The following SLC4A9 variants were observed in gnomAD, a reference collection of about 807,000 sequenced individuals.
The protein encoded by SLC4A9 is anion exchange protein 4.
A neutral mutation model predicts 103.2 loss-of-function variants in SLC4A9; 102 were observed. The observed-to-expected ratio is 0.99, with a 90% CI of 0.84 to 1.17. The LOEUF is 1.17. Among genes scored for constraint, SLC4A9 ranks in the 50% most tolerant of loss-of-function variants. The pLI, the probability that SLC4A9 is intolerant of heterozygous loss-of-function variation, is 0.00. For missense variants in SLC4A9, 1,091 were observed against 1,193.7 expected, an observed-to-expected ratio of 0.91 and a Z score of 1.27; for synonymous variants, 453 against 483.6, an observed-to-expected ratio of 0.94 and a Z score of 0.83.
At chr5:140,370,825 T>C (rs1302502192) in intron 17 of SLC4A9, 1 of 462,224 alleles carries the variant, frequency 2.2e-6, no homozygotes, top group Non-Finnish European at 3.9e-6. Context: ...ATAGATAAGA[T>C]TGGAATGGTA....
intron 21 of SLC4A9, among the ~76,000 whole-genome samples, chr5:140,374,204 A>G (rs1042077819): frequency 6.6e-6 from 1 of 151,056 alleles, no homozygotes; most frequent in African/African-American, 2.4e-5. Flanking sequence ...AAAAATCAAA[A>G]ACAAAAATCT....
At chr5:140,361,717 C>T (rs1301581277) in intron 3 of SLC4A9, 91 bp from the exon 4 acceptor site, 4 of 1,406,830 alleles carry the variant, frequency 2.8e-6, no homozygotes, top group South Asian at 1.2e-5. Context: ...CTAATTCTTA[C>T]AGCTTGTCAG....
At position 140,362,174 on chromosome 5, in the gene SLC4A9, G is replaced by A; in HGVS notation, c.719G>A (p.Arg240Lys). The A allele has an allele frequency of 6.5e-7, 1 of 1,529,052 alleles. No individual in the cohort carries two copies. Among genetic ancestry groups the A allele is most frequent in the African/African-American group, 1.4e-5 (1 of 71,648 alleles). 94.7% of individuals were successfully genotyped at this position (1,529,052 alleles called of 1,614,324 possible). The stretch of plus-strand genomic sequence containing the variant: ...CTTACTGAGGTGTCCCTCCCAAGCA[G>A]GTGAGGCTACTGAGTGAGTGGGAGT... Reference protein sequence around the residue: ...GSLTEVSLPSRFFCLLLGPCM... With the variant: ...GSLTEVSLPSKFFCLLLGPCM... Residue 240 changes from arginine to lysine, a missense_variant and splice_region_variant, in exon 5 of 22, where the codon AGG becomes AAG. Arg to Lys is a conservative substitution (Grantham distance 26, BLOSUM62 2). Transcript: ENST00000506757.
chr5:140,366,105 G>T, intron 13 of SLC4A9, 46 bp from the exon 14 acceptor site: 2 of 1,608,662 alleles, frequency 1.2e-6, no homozygotes, highest in Non-Finnish European at 1.7e-6. Context: ...TGTGGAAAAA[G>T]AGAGATGGCA....
At chr5:140,371,814 C>T (rs940469289) in intron 19 of SLC4A9, among the ~76,000 whole-genome samples, 190 bp downstream of exon 19, 5 of 152,218 alleles carry the variant, frequency 3.3e-5, no homozygotes. Context: ...CCTGGGATAC[C>T]TGATTCACCT....
At chr5:140,373,088 A>G (rs1039644316) in intron 21 of SLC4A9, among the ~76,000 whole-genome samples, 1 of 152,190 alleles carries the variant, frequency 6.6e-6, no homozygotes, top group African/African-American at 2.4e-5. Context: ...CTCACACCAA[A>G]TGAGAAGTGG....
chr5:140,365,407 GA>G lies in SLC4A9; in HGVS notation c.1652-112del, dbSNP rs773496534. The G allele has an allele frequency of 1.3e-3, 1,027 of 818,174 alleles. 3 individuals carry two copies. Among genetic ancestry groups the G allele is most frequent in the Admixed American group, 3.7e-3 (155 of 42,378 alleles). 50.7% of individuals were successfully genotyped at this position (818,174 alleles called of 1,614,324 possible). Reference sequence around the variant, plus strand: ...GTAGTGATAGAGTCAGCAGACAGATGAGTCACAATTAAGAACTCTGGTTCAC... The same window carrying G: ...GTAGTGATAGAGTCAGCAGACAGATGGTCACAATTAAGAACTCTGGTTCAC... On this transcript the variant is annotated intron_variant, in intron 11 of 21. Transcript: ENST00000506757.
rs1359115353 is a variant in SLC4A9, at chr5:140,364,132, C to T, written c.1333C>T (p.Leu445=). Residue 445 remains leucine, a synonymous_variant, in exon 10 of 22, where the codon CTG becomes TTG. Coordinates refer to ENST00000506757, the MANE Select transcript of SLC4A9 (RefSeq NM_031467.3). The part of the protein sequence containing the change: ...CLMAGQPLTI[L]SSTGPVLVFE... ...GATGGCAGGCCAGCCCCTCACCATT[C>T]TGAGCAGCACGGGGCCAGTGCTGGT... 1.3e-6 allele frequency: 2 copies of T among 1,594,274 alleles called. No individual in the cohort carries two copies. The highest frequency in any genetic ancestry group is 8.5e-7 in the Non-Finnish European group (1 of 1,169,640).
In SLC4A9 at chr5:140,373,205, TCCC is replaced by T. The variant is rs1561633329; in HGVS notation, c.*45+366_*45+368del. Among the ~76,000 whole-genome samples the T allele has an allele frequency of 3.6e-4, 54 of 152,070 alleles. No individual in the cohort carries two copies. The South Asian group carries it at 0.01, about 29-fold the overall frequency. On this transcript the variant is annotated intron_variant, in intron 21 of 21. Coordinates refer to ENST00000506757, the MANE Select transcript of SLC4A9 (RefSeq NM_031467.3). ...TGCTCCTTTCCCTTGCTTGGAAGGCTCCCCCCTTAGGCTGCTGAGAACCACACT... is the reference window on the plus strand; with the variant it reads ...TGCTCCTTTCCCTTGCTTGGAAGGCTCCCTTAGGCTGCTGAGAACCACACT...
In SLC4A9 at chr5:140,363,239, G is replaced by A. The variant is rs1443464104; in HGVS notation, c.962+173G>A. ...GGACTACTCTCTCGCTAAGAGACCTGAACAAAGACCTTCCCTGCCCGAGCC... is the reference window on the plus strand; with the variant it reads ...GGACTACTCTCTCGCTAAGAGACCTAAACAAAGACCTTCCCTGCCCGAGCC... On this transcript the variant is annotated intron_variant, in intron 7 of 21. Coordinates refer to ENST00000506757, the MANE Select transcript of SLC4A9 (RefSeq NM_031467.3). This position sits in a 1 kb window ranked among gnomAD's most constrained non-coding sequence, Gnocchi z 4.5. Among the ~76,000 whole-genome samples the A allele has an allele frequency of 6.6e-6, 1 of 152,172 alleles. No individual in the cohort carries two copies. The highest frequency in any genetic ancestry group is 2.4e-5 in the African/African-American group (1 of 41,436).
intron 19 of SLC4A9, among the ~76,000 whole-genome samples, 199 bp from the exon 20 acceptor site, chr5:140,372,043 T>C (rs939043443): frequency 6.6e-6 from 1 of 152,250 alleles, no homozygotes; most frequent in African/African-American, 2.4e-5. Context: ...CTCTGGGAAG[T>C]AACTAATCAC....
intron 14 of SLC4A9, among the ~76,000 whole-genome samples, chr5:140,367,041 C>G (rs1767989964): frequency 1.3e-5 from 2 of 152,202 alleles, no homozygotes; most frequent in Non-Finnish European, 2.9e-5. Flanking sequence ...CCAGCCCTGT[C>G]CCTGCCTCAG....
At chr5:140,362,760 C>T (rs899989268) in intron 6 of SLC4A9, among the ~76,000 whole-genome samples, 152 bp from the exon 7 acceptor site, 1 of 152,150 alleles carries the variant, frequency 6.6e-6, no homozygotes, top group Non-Finnish European at 1.5e-5. Context: ...TCAATAGATA[C>T]CCACTGAATG....
At chr5:140,362,630 G>T in intron 6 of SLC4A9, 98 bp downstream of exon 6, 1 of 1,250,806 alleles carries the variant, frequency 8.0e-7, no homozygotes, top group Non-Finnish European at 1.2e-6. Flanking sequence ...GAGTGTGTGT[G>T]TGTGGACTCT....
chr5:140,364,665 G>C, intron 11 of SLC4A9, 40 bp downstream of exon 11: 1 of 1,579,942 alleles, frequency 6.3e-7, no homozygotes, highest in Non-Finnish European at 8.6e-7. Flanking sequence ...GGTGAAGAAG[G>C]ATGTAGGGAA....
chr5:140,362,947 TCATGAC>T lies in SLC4A9; in HGVS notation c.845_850del (p.His282_Asp283del). 1 of 1,613,842 alleles carries T rather than the reference TCATGAC, an allele frequency of 6.2e-7. No homozygotes were observed. On this transcript the variant is annotated inframe_deletion, in exon 7 of 22. Coordinates refer to ENST00000506757, the MANE Select transcript of SLC4A9 (RefSeq NM_031467.3). ...GGTCAGTTCGTCGGGCCAGCAACCT[TCATGAC>T]CTTCTGGCAGCCCTGGATGCATTCC...
Position 140,366,284 on chromosome 5 carries a change from G to C in SLC4A9, c.2013+20G>C. On this transcript the variant is annotated intron_variant, in intron 14 of 21. Transcript: ENST00000506757. ...TTCAAGGTGAGAGCCAGGGAAGAGG[G>C]TTGGGGGACCAGAGGGGAAAGCAGG... The C allele has an allele frequency of 6.5e-7, 1 of 1,544,414 alleles. No homozygotes were observed. The highest frequency in any genetic ancestry group is 8.8e-7 in the Non-Finnish European group (1 of 1,137,972).
chr5:140,368,020 C>T, intron 16 of SLC4A9, 122 bp downstream of exon 16: 1 of 1,001,692 alleles, frequency 1.0e-6, no homozygotes. Flanking sequence ...ATTGCAGTGG[C>T]AGAATGAGTG....
At chr5:140,366,969 G>A (rs1767981727) in intron 14 of SLC4A9, among the ~76,000 whole-genome samples, 1 of 152,134 alleles carries the variant, frequency 6.6e-6, no homozygotes, top group South Asian at 2.1e-4. Flanking sequence ...ATCCAGCTGG[G>A]GCAGCAACTG....
Sources: gnomAD v4.1 joint callset for allele counts (sites outside exome capture counted in the v4.1 genomes callset) on GRCh38, gnomAD v4.1.1 for gene constraint, Gnocchi (gnomAD v3.1) non-coding constraint, MANE v1.5 for transcripts, NCBI Gene and HGNC (gene_info 2026-07-23, HGNC 2026-07-21) for gene names.